The following PHACTR2 variants were observed in gnomAD, a reference collection of about 807,000 sequenced individuals.
PHACTR2 encodes the protein phosphatase and actin regulator 2, also known as chromosome 6 open reading frame 56.
Under a neutral mutation model 76.0 loss-of-function variants are expected in PHACTR2, and 30 were observed. The ratio of observed to expected loss-of-function variants is 0.39; its 90% confidence interval spans 0.30 to 0.54. The LOEUF (loss-of-function observed/expected upper bound fraction) is 0.54. Ranked by LOEUF, PHACTR2 falls within the 20% of genes least tolerant of loss-of-function variation. The probability of loss-of-function intolerance (pLI) is 0.61; values close to 1 mark genes in which losing one functional copy is unlikely to be tolerated. For synonymous variants in PHACTR2, 292 were observed against 292.5 expected (o/e 1.00, Z 0.02); for missense variants, 696 against 781.1 (o/e 0.89, Z 1.30).
At chr6:143,574,039 C>T (rs1775479171) in intron 1 of PHACTR2, among the ~76,000 whole-genome samples, 1 of 152,158 alleles carries the variant, frequency 6.6e-6, no homozygotes, top group Non-Finnish European at 1.5e-5. Flanking sequence ...CCAGGTCACA[C>T]TCAAGGTGTC....
chr6:143,587,616 C>A (rs1186285092), intron 1 of PHACTR2, among the ~76,000 whole-genome samples: 3 of 151,976 alleles, frequency 2.0e-5, no homozygotes, highest in Non-Finnish European at 4.4e-5. Context: ...TGGTCATATT[C>A]AAAAAATGAA....
At chr6:143,594,142 A>C (rs1396811744) in intron 1 of PHACTR2, among the ~76,000 whole-genome samples, 1 of 152,218 alleles carries the variant, frequency 6.6e-6, no homozygotes, top group African/African-American at 2.4e-5. Context: ...TTCCTGCACA[A>C]AACTATTAAA....
At chr6:143,699,230 G>T (rs564559302) in intron 1 of PHACTR2, among the ~76,000 whole-genome samples, 1 of 152,070 alleles carries the variant, frequency 6.6e-6, no homozygotes, top group African/African-American at 2.4e-5. Flanking sequence ...TGCAGTCCCC[G>T]TGTGGCTGGT....
chr6:143,725,651 A>G (rs527777432), intron 2 of PHACTR2, among the ~76,000 whole-genome samples: 194 of 150,728 alleles, frequency 1.3e-3, no homozygotes, highest in Non-Finnish European at 2.4e-3. Context: ...CCTGGCCAAT[A>G]TGGTGAAACC....
intron 1 of PHACTR2, among the ~76,000 whole-genome samples, chr6:143,645,820 C>T (rs1776651073): frequency 6.6e-6 from 1 of 152,116 alleles, no homozygotes; most frequent in African/African-American, 2.4e-5. Flanking sequence ...AACTAAATTA[C>T]AGCTGAATTA....
At position 143,730,093 on chromosome 6, in the gene PHACTR2, G is replaced by A. The variant is rs577250091; in HGVS notation, c.214+17910G>A. Among the ~76,000 whole-genome samples the A allele has an allele frequency of 6.6e-6, 1 of 152,100 alleles. No individual in the cohort carries two copies. Among genetic ancestry groups the A allele is most frequent in the East Asian group, 1.9e-4 (1 of 5,202 alleles). On this transcript the variant is annotated intron_variant, in intron 2 of 12. Transcript: ENST00000440869. The surrounding 1 kb of genome is among the most constrained non-coding windows in gnomAD (Gnocchi z 4.8). ...GCTTTATAAGTCTGAAAATTAGGTA[G>A]TGTGATTTTCCAACCTTATTCTTCA... is the stretch of plus-strand genomic sequence containing the variant.
intron 2 of PHACTR2, among the ~76,000 whole-genome samples, chr6:143,715,642 G>T (rs1412276606): frequency 6.6e-6 from 1 of 152,162 alleles, no homozygotes; most frequent in African/African-American, 2.4e-5. Flanking sequence ...GACAGGTAGG[G>T]TACTAATAAA....
chr6:143,576,285 T>C (rs1463057596), intron 1 of PHACTR2, among the ~76,000 whole-genome samples: 2 of 152,212 alleles, frequency 1.3e-5, no homozygotes, highest in African/African-American at 4.8e-5. Flanking sequence ...ATGACATAGC[T>C]TTGGAAGGTC....
intron 12 of PHACTR2, among the ~76,000 whole-genome samples, chr6:143,814,148 G>C (rs1166781936): frequency 1.3e-5 from 2 of 152,188 alleles, no homozygotes; most frequent in East Asian, 1.9e-4. Flanking sequence ...ATGAGGTCAG[G>C]AGTTCGAGAC....
chr6:143,537,239 G>A lies in PHACTR2; in HGVS notation c.217+32G>A, dbSNP rs756849619. The A allele has an allele frequency of 6.0e-5, 12 of 200,428 alleles. 1 individual carries two copies. The South Asian group carries it at 1.4e-3, about 24-fold the overall frequency. 12.4% of individuals were successfully genotyped at this position (200,428 alleles called of 1,614,324 possible). On this transcript the variant is annotated intron_variant, in intron 1 of 11. Coordinates refer to the PHACTR2 transcript ENST00000367584. The surrounding 1 kb of genome is among the most constrained non-coding windows in gnomAD (Gnocchi z 4.4). ...GCGGCTCGGGGCGCGGGCCGGGGAG[G>A]GCCGGCCGCGGGCAGGTGGCCGCGA... is the stretch of plus-strand genomic sequence containing the variant.
At position 143,775,164 on chromosome 6, in the gene PHACTR2, A is replaced by G. The variant is rs1775242911; in HGVS notation, c.1589+949A>G. 6.6e-6 allele frequency among the ~76,000 whole-genome samples: 1 copy of G among 151,936 alleles called. No individual in the cohort carries two copies. Among genetic ancestry groups the G allele is most frequent in the African/African-American group, 2.4e-5 (1 of 41,354 alleles). On this transcript the variant is annotated intron_variant, in intron 8 of 12. Coordinates refer to ENST00000440869, the MANE Select transcript of PHACTR2 (RefSeq NM_001100164.2). This position sits in a 1 kb window ranked among gnomAD's most constrained non-coding sequence, Gnocchi z 4.4. ...CCAGAGGAAGAGTAACCCCTAAGGC[A>G]CCTCCTTACAGCTGAGTTGTGCAGA...
intron 12 of PHACTR2, among the ~76,000 whole-genome samples, chr6:143,814,628 A>T (rs1582907949): frequency 7.9e-6 from 1 of 125,932 alleles, no homozygotes; most frequent in Non-Finnish European, 1.6e-5. Flanking sequence ...TTTAAGACGG[A>T]GTCTCGCTCT....
chr6:143,610,001 A>G lies in PHACTR2; in HGVS notation c.13+1679A>G, dbSNP rs982354284. Among the ~76,000 whole-genome samples, 4 of 152,204 alleles carry G rather than the reference A, an allele frequency of 2.6e-5. No homozygotes were observed. Among genetic ancestry groups the G allele is most frequent in the African/African-American group, 9.6e-5 (4 of 41,460 alleles). On this transcript the variant is annotated intron_variant, in intron 1 of 11. Transcript: ENST00000305766. The surrounding 1 kb of genome is among the most constrained non-coding windows in gnomAD (Gnocchi z 4.9). ...TGTGGAGAGTGGCTTGTAAAGTAGCAATTTCTATATCATTTCAAATTTTAG... is the reference window on the plus strand; with the variant it reads ...TGTGGAGAGTGGCTTGTAAAGTAGCGATTTCTATATCATTTCAAATTTTAG...
Position 143,738,275 on chromosome 6 carries a change from G to T in PHACTR2, c.215-10710G>T, listed in dbSNP as rs1370278323. Reference sequence around the variant, plus strand: ...CTGAGGCAGGAGAATCGCTTGACCCGGGAGGCAGAGGTTGCAGTGAGCCGA... The same window carrying T: ...CTGAGGCAGGAGAATCGCTTGACCCTGGAGGCAGAGGTTGCAGTGAGCCGA... On this transcript the variant is annotated intron_variant, in intron 2 of 12. Transcript: ENST00000440869. The surrounding 1 kb of genome is among the most constrained non-coding windows in gnomAD (Gnocchi z 4.0). 6.6e-6 allele frequency among the ~76,000 whole-genome samples: 1 copy of T among 152,000 alleles called. No individual in the cohort carries two copies. Among genetic ancestry groups the T allele is most frequent in the Non-Finnish European group, 1.5e-5 (1 of 68,004 alleles).
rs1160004641 is a variant in PHACTR2 at position 143,639,052 on chromosome 6, T to C, written c.13+30730T>C. ...TGTCAGGCAATAAAATTATTCAGTG[T>C]AGCATCAAAAGCCTCAGCCAAGGGC... On this transcript the variant is annotated intron_variant, in intron 1 of 11. Transcript: ENST00000305766. The surrounding 1 kb of genome is among the most constrained non-coding windows in gnomAD (Gnocchi z 5.0). Among the ~76,000 whole-genome samples the C allele has an allele frequency of 3.2e-4, 48 of 152,268 alleles. No homozygotes were observed. The highest frequency in any genetic ancestry group is 3.1e-3 in the Admixed American group (48 of 15,284).
chr6:143,701,279 G>T (rs993399717), intron 1 of PHACTR2, among the ~76,000 whole-genome samples: 5 of 152,152 alleles, frequency 3.3e-5, no homozygotes, highest in African/African-American at 1.2e-4. Context: ...CCCTCTGGGA[G>T]TTTAAAAATA....
In PHACTR2 at chr6:143,777,946, GT is replaced by G. The variant is rs1331571617; in HGVS notation, c.1645+568del. On this transcript the variant is annotated intron_variant, in intron 9 of 12. Transcript: ENST00000440869. The surrounding 1 kb of genome is among the most constrained non-coding windows in gnomAD (Gnocchi z 4.6). ...TTTTCCTACTTTATTTTCCCATTCT[GT>G]TTTTCCCTCTGTTCTCTTTGACTTT... Among the ~76,000 whole-genome samples the G allele has an allele frequency of 1.3e-5, 2 of 152,060 alleles. No homozygotes were observed. The highest frequency in any genetic ancestry group is 2.9e-5 in the Non-Finnish European group (2 of 68,016).
rs182102675 is a variant in PHACTR2, at chr6:143,546,334, G to A, written c.217+9127G>A. On this transcript the variant is annotated intron_variant, in intron 1 of 11. Transcript: ENST00000367584. This position sits in a 1 kb window ranked among gnomAD's most constrained non-coding sequence, Gnocchi z 4.9. ...AAAGAGTAGCTATTGCTTATCCCTC[G>A]TAACAGGAAGAAACTTGTGACTTAA... 1.8e-3 allele frequency among the ~76,000 whole-genome samples: 265 copies of A among 149,658 alleles called. 1 individual carries two copies. The highest frequency in any genetic ancestry group is 0.01 in the Middle Eastern group (3 of 292).
In PHACTR2 at chr6:143,592,251, T is replaced by C. The variant is rs9321928; in HGVS notation, c.217+55044T>C. ...TATGGGATGGGGGCTTCCATTTGTG[T>C]ACTTGCCCCAGTCCCTACAAATGTA... On this transcript the variant is annotated intron_variant, in intron 1 of 11. Transcript: ENST00000367584. The surrounding 1 kb of genome is among the most constrained non-coding windows in gnomAD (Gnocchi z 4.0). Among the ~76,000 whole-genome samples the C allele has an allele frequency of 0.42, 63,975 of 152,060 alleles. 13,895 individuals are homozygous for C. The highest frequency in any genetic ancestry group is 0.46 in the African/African-American group (19,191 of 41,454).
Sources: allele counts gnomAD v4.1 joint callset (sites outside exome capture counted in the v4.1 genomes callset), GRCh38; gene constraint gnomAD v4.1.1; non-coding constraint Gnocchi (gnomAD v3.1); transcripts MANE v1.5; gene names NCBI Gene and HGNC (gene_info 2026-07-23, HGNC 2026-07-21).